The following PLPPR5 variants were observed in gnomAD, a reference collection of about 807,000 sequenced individuals.
PLPPR5 encodes the protein phospholipid phosphatase-related protein type 5.
In PLPPR5, 16 loss-of-function variants were observed where a neutral mutation model predicts 33.9. The ratio of observed to expected loss-of-function variants is 0.47; its 90% CI spans 0.32 to 0.72. PLPPR5 has a LOEUF of 0.72. Among genes scored for constraint, PLPPR5 ranks in the 30% least tolerant of loss-of-function variants. The probability of loss-of-function intolerance (pLI) is 0.03; values close to 1 mark genes in which losing one functional copy is unlikely to be tolerated. For synonymous variants in PLPPR5, 163 were observed against 150.3 expected (o/e 1.08, Z -0.62); for missense variants, 301 against 406.7 (o/e 0.74, Z 2.23).
chr1:98,991,518 G>A (rs902018083), intron 1 of PLPPR5, among the ~76,000 whole-genome samples: 5 of 152,118 alleles, frequency 3.3e-5, no homozygotes, highest in Non-Finnish European at 7.4e-5. Context: ...GACATCTTGT[G>A]TACAGTCAGA....
chr1:98,910,187 A>G (rs1401097299), intron 5 of PLPPR5, among the ~76,000 whole-genome samples: 2 of 152,218 alleles, frequency 1.3e-5, no homozygotes, highest in Non-Finnish European at 2.9e-5. Flanking sequence ...TGGCATAATA[A>G]TGCTAACTCT....
intron 1 of PLPPR5, among the ~76,000 whole-genome samples, chr1:98,984,982 AT>A (rs1180951055): frequency 6.6e-6 from 1 of 152,064 alleles, no homozygotes; most frequent in African/African-American, 2.4e-5. Flanking sequence ...AAAACTCTTC[AT>A]AAAAATTTGT....
intron 5 of PLPPR5, among the ~76,000 whole-genome samples, chr1:98,908,435 A>G (rs555375734): frequency 6.6e-6 from 1 of 152,184 alleles, no homozygotes; most frequent in African/African-American, 2.4e-5. Flanking sequence ...CTCCATCTCT[A>G]TTTCCTAGAA....
intron 1 of PLPPR5, among the ~76,000 whole-genome samples, chr1:98,979,929 A>G (rs994454392): frequency 6.6e-6 from 1 of 152,024 alleles, no homozygotes; most frequent in African/African-American, 2.4e-5. Context: ...ACTCTGGCTC[A>G]GCACTGCTCT....
At chr1:98,932,263 C>T (rs1650003580) in intron 3 of PLPPR5, among the ~76,000 whole-genome samples, 1 of 152,302 alleles carries the variant, frequency 6.6e-6, no homozygotes, top group South Asian at 2.1e-4. Flanking sequence ...GTTAAATAGG[C>T]TTTTGAAGGC....
At chr1:98,980,258 C>T (rs533238917) in intron 1 of PLPPR5, among the ~76,000 whole-genome samples, 29 of 152,172 alleles carry the variant, frequency 1.9e-4, no homozygotes, top group African/African-American at 6.5e-4. Context: ...CTTGCCATGC[C>T]ATTAACATGA....
At chr1:98,910,085 A>T (rs1158315457) in intron 5 of PLPPR5, among the ~76,000 whole-genome samples, 1 of 152,232 alleles carries the variant, frequency 6.6e-6, no homozygotes, top group South Asian at 2.1e-4. Context: ...TCAAACATGT[A>T]CTTTGAACAT....
chr1:98,952,262 C>CAACAAAAAAAAAAA (rs779701945), intron 3 of PLPPR5, among the ~76,000 whole-genome samples: 1 of 113,078 alleles, frequency 8.8e-6, no homozygotes, highest in African/African-American at 3.1e-5. Context: ...GACTCCGTCT[C>CAACAAAAAAAAAAA]AGAAAAAAAA....
intron 2 of PLPPR5, among the ~76,000 whole-genome samples, chr1:98,955,913 T>A (rs1650985659): frequency 6.6e-6 from 1 of 152,140 alleles, no homozygotes; most frequent in South Asian, 2.1e-4. Flanking sequence ...AAAATGGGTC[T>A]AGGCTAAGTC....
intron 1 of PLPPR5, among the ~76,000 whole-genome samples, chr1:98,962,176 T>A (rs1651272912): frequency 6.6e-6 from 1 of 152,226 alleles, no homozygotes; most frequent in Non-Finnish European, 1.5e-5. Context: ...TTTCATCAAT[T>A]GCTTTTATTT....
At chr1:98,937,200 G>A (rs1420595896) in intron 3 of PLPPR5, among the ~76,000 whole-genome samples, 1 of 152,106 alleles carries the variant, frequency 6.6e-6, no homozygotes, top group Non-Finnish European at 1.5e-5. Context: ...ATGTCTATCT[G>A]CTCTTTATTG....
chr1:98,910,696 G>T (rs901422094), intron 5 of PLPPR5, among the ~76,000 whole-genome samples: 3 of 152,062 alleles, frequency 2.0e-5, no homozygotes, highest in Non-Finnish European at 4.4e-5. Flanking sequence ...ACCAGCCCCG[G>T]ACAGGATGCC....
intron 5 of PLPPR5, among the ~76,000 whole-genome samples, chr1:98,903,638 A>T (rs564203973): frequency 9.3e-4 from 137 of 147,992 alleles, no homozygotes; most frequent in African/African-American, 3.2e-3. Flanking sequence ...GTGTGAAATT[A>T]AAAAAAAAAA....
At chr1:98,933,001 C>T (rs569490461) in intron 3 of PLPPR5, among the ~76,000 whole-genome samples, 1 of 152,204 alleles carries the variant, frequency 6.6e-6, no homozygotes, top group East Asian at 1.9e-4. Context: ...TATGTACCGC[C>T]CATTGATACC....
intron 5 of PLPPR5, among the ~76,000 whole-genome samples, chr1:98,906,164 A>T (rs1322593754): frequency 6.8e-6 from 1 of 148,106 alleles, no homozygotes; most frequent in East Asian, 2.2e-4. Context: ...CAGTGTGTGT[A>T]TATATATATA....
At chr1:98,924,336 G>A (rs1282301561) in intron 3 of PLPPR5, among the ~76,000 whole-genome samples, 7 of 152,276 alleles carry the variant, frequency 4.6e-5, no homozygotes, top group African/African-American at 9.6e-5. Flanking sequence ...AAAGACAGGC[G>A]TAAATGGAAA....
At chr1:98,984,214 C>T (rs150285931) in intron 1 of PLPPR5, among the ~76,000 whole-genome samples, 199 of 152,062 alleles carry the variant, frequency 1.3e-3, no homozygotes, top group African/African-American at 4.2e-3. Flanking sequence ...GGGCAGTGCC[C>T]GCCAGCATCA....
At chr1:98,995,619 T>A (rs573797255) in intron 1 of PLPPR5, among the ~76,000 whole-genome samples, 1 of 152,090 alleles carries the variant, frequency 6.6e-6, no homozygotes, top group African/African-American at 2.4e-5. Context: ...AGCCCTTGGT[T>A]TAAAACAGTT....
intron 1 of PLPPR5, among the ~76,000 whole-genome samples, chr1:98,993,507 T>A (rs893477043): frequency 2.0e-5 from 3 of 152,126 alleles, no homozygotes; most frequent in African/African-American, 7.2e-5. Flanking sequence ...ACTAAGTCTC[T>A]TCATTCAATT....
Sources: gnomAD v4.1 joint callset for allele counts (sites outside exome capture counted in the v4.1 genomes callset) on GRCh38, gnomAD v4.1.1 for gene constraint, MANE v1.5 for transcripts, NCBI Gene and HGNC (gene_info 2026-07-23, HGNC 2026-07-21) for gene names.